NKAIN3: variants seen among roughly 807,000 people sequenced by gnomAD.
The protein encoded by NKAIN3 is sodium/potassium transporting ATPase interacting 3, also known as sodium/potassium-transporting ATPase subunit beta-1-interacting protein 3.
In NKAIN3, 25 loss-of-function variants were observed where a neutral mutation model predicts 30.2. That is an observed-to-expected ratio of 0.83 (90% CI 0.60 to 1.16). The LOEUF is 1.16. Among genes scored for constraint, NKAIN3 ranks in the 50% most tolerant of loss-of-function variants. NKAIN3 has a pLI of 0.00. For synonymous variants in NKAIN3, 91 were observed against 89.6 expected, an observed-to-expected ratio of 1.02 and a Z score of -0.09; for missense variants, 225 against 254.1, an observed-to-expected ratio of 0.89 and a Z score of 0.78.
chr8:62,870,562 CTA>C (rs1314926528), intron 4 of NKAIN3, among the ~76,000 whole-genome samples: 1 of 131,036 alleles, frequency 7.6e-6, no homozygotes, highest in Admixed American at 7.8e-5. Flanking sequence ...ACTATATATA[CTA>C]TATATACACC....
chr8:62,399,189 A>G (rs1038814009), intron 1 of NKAIN3, among the ~76,000 whole-genome samples: 6 of 152,188 alleles, frequency 3.9e-5, no homozygotes, highest in African/African-American at 1.4e-4. Context: ...CATTTTTTTC[A>G]GAAGATAAAC....
At chr8:62,362,921 C>T (rs1816611462) in intron 1 of NKAIN3, among the ~76,000 whole-genome samples, 1 of 152,192 alleles carries the variant, frequency 6.6e-6, no homozygotes, top group Non-Finnish European at 1.5e-5. Flanking sequence ...CAGTGTGTGA[C>T]TGGTTGAAAT....
intron 4 of NKAIN3, among the ~76,000 whole-genome samples, chr8:62,786,437 G>T (rs1817520877): frequency 6.6e-6 from 1 of 152,024 alleles, no homozygotes; most frequent in Non-Finnish European, 1.5e-5. Flanking sequence ...GTACTCCTAA[G>T]GGATTGCCAC....
intron 5 of NKAIN3, among the ~76,000 whole-genome samples, chr8:62,946,269 G>A (rs1187616502): frequency 6.6e-6 from 1 of 152,184 alleles, no homozygotes; most frequent in Non-Finnish European, 1.5e-5. Flanking sequence ...ATAAGCAACG[G>A]TTTAAGGCAC....
At chr8:62,988,086 C>T (rs906755489), downstream of NKAIN3, among the ~76,000 whole-genome samples, 4 of 152,242 alleles carry the variant, frequency 2.6e-5, no homozygotes, top group Non-Finnish European at 5.9e-5. Flanking sequence ...TCTCCTTTGA[C>T]TCCATGTCTC....
intron 1 of NKAIN3, among the ~76,000 whole-genome samples, chr8:62,304,547 ACAT>A (rs1814162147): frequency 6.7e-6 from 1 of 148,264 alleles, no homozygotes; most frequent in African/African-American, 2.6e-5. Flanking sequence ...ATCACCTCAA[ACAT>A]CATTTCTTTG....
chr8:62,332,052 CT>C (rs926848956), intron 1 of NKAIN3, among the ~76,000 whole-genome samples: 2 of 152,216 alleles, frequency 1.3e-5, no homozygotes, highest in East Asian at 1.9e-4. Flanking sequence ...AGCTTTTCTA[CT>C]TGTTGCCCTT....
chr8:62,588,490 A>G (rs1810548719), intron 2 of NKAIN3, among the ~76,000 whole-genome samples: 1 of 151,818 alleles, frequency 6.6e-6, no homozygotes, highest in African/African-American at 2.4e-5. Context: ...TTATAGGACT[A>G]TACTACTATA....
intron 1 of NKAIN3, among the ~76,000 whole-genome samples, chr8:62,456,853 G>A (rs887345924): frequency 6.6e-5 from 10 of 152,346 alleles, no homozygotes; most frequent in Middle Eastern, 3.4e-3. Context: ...CCCAGCCTTC[G>A]TTAGAACGAT....
rs201135680 is a variant in NKAIN3 at position 62,860,474 on chromosome 8, G to T, written c.472-57979G>T. 1.2e-4 allele frequency among the ~76,000 whole-genome samples: 18 copies of T among 152,194 alleles called. No individual in the cohort carries two copies. In the East Asian group the frequency reaches 3.3e-3, roughly 28 times the overall value. ...ATGCCAGTTTGCTTTTTTCTCCCTC[G>T]CTTCTGTTTTAACATTGCAGATAAT... On this transcript the variant is annotated intron_variant, in intron 4 of 6. Transcript: ENST00000623646.
intron 4 of NKAIN3, among the ~76,000 whole-genome samples, chr8:62,775,057 T>A (rs1179310822): frequency 6.6e-6 from 1 of 152,146 alleles, no homozygotes; most frequent in Non-Finnish European, 1.5e-5. Context: ...CTGGGAGGCT[T>A]CTTATTATGG....
At chr8:62,754,227 A>G (rs1816376439) in intron 4 of NKAIN3, among the ~76,000 whole-genome samples, 2 of 152,150 alleles carry the variant, frequency 1.3e-5, no homozygotes, top group Admixed American at 6.6e-5. Context: ...CTTAGTTACT[A>G]TAAAATATTT....
intron 1 of NKAIN3, among the ~76,000 whole-genome samples, chr8:62,519,509 CT>C (rs1808090746): frequency 1.3e-5 from 2 of 152,078 alleles, no homozygotes; most frequent in South Asian, 4.1e-4. Context: ...ATAGCATCTT[CT>C]TTTGGTATCA....
intron 1 of NKAIN3, among the ~76,000 whole-genome samples, chr8:62,559,762 A>T (rs1454124909): frequency 1.3e-5 from 2 of 152,074 alleles, no homozygotes; most frequent in Non-Finnish European, 2.9e-5. Flanking sequence ...ACCACAACAG[A>T]TGGCATTATC....
Position 62,965,633 on chromosome 8 carries a change from A to AAG in NKAIN3, c.*227_*228insGA. 2 of 977,894 alleles carry AAG rather than the reference A, an allele frequency of 2.0e-6. No homozygotes were observed. Among genetic ancestry groups the AAG allele is most frequent in the African/African-American group, 1.8e-5 (1 of 57,056 alleles). 60.6% of individuals were successfully genotyped at this position (977,894 alleles called of 1,614,324 possible). ...ACTTGTAAGTTGTAAAAAAAAAAAA[A>AAG]AAAGAAAAAACAGAATTTGGTTTTA... On this transcript the variant is annotated 3_prime_UTR_variant, in exon 7 of 7. Coordinates refer to ENST00000623646, the MANE Select transcript of NKAIN3 (RefSeq NM_001304533.3).
chr8:62,275,620 T>C (rs1812925185), intron 1 of NKAIN3, among the ~76,000 whole-genome samples: 1 of 152,208 alleles, frequency 6.6e-6, no homozygotes, highest in South Asian at 2.1e-4. Context: ...GTGTGAAACA[T>C]AGCTAAATGT....
chr8:62,254,136 T>C (rs1812194288), intron 1 of NKAIN3, among the ~76,000 whole-genome samples: 1 of 148,388 alleles, frequency 6.7e-6, no homozygotes, highest in Non-Finnish European at 1.5e-5. Flanking sequence ...ACAAAATGAA[T>C]TGTTGTGCTT....
chr8:62,424,338 C>T (rs1455506002), intron 1 of NKAIN3, among the ~76,000 whole-genome samples: 3 of 151,502 alleles, frequency 2.0e-5, no homozygotes, highest in Non-Finnish European at 3.0e-5. Flanking sequence ...CAAAAGAAAA[C>T]ATTTAACAGA....
At chr8:62,388,305 T>C (rs1817488119) in intron 1 of NKAIN3, among the ~76,000 whole-genome samples, 1 of 152,260 alleles carries the variant, frequency 6.6e-6, no homozygotes, top group Non-Finnish European at 1.5e-5. Flanking sequence ...ATTCCTAACA[T>C]ATAAAACCTG....
Sources: gnomAD v4.1 joint callset for allele counts (sites outside exome capture counted in the v4.1 genomes callset) on GRCh38, gnomAD v4.1.1 for gene constraint, MANE v1.5 for transcripts, NCBI Gene and HGNC (gene_info 2026-07-23, HGNC 2026-07-21) for gene names.